GABRA2: variants seen among roughly 807,000 people sequenced by gnomAD.
GABRA2 encodes the protein gamma-aminobutyric acid receptor subunit alpha-2.
Under a neutral mutation model 48.7 loss-of-function variants are expected in GABRA2, and 16 were observed. The observed-to-expected ratio is 0.33, with a 90% CI of 0.22 to 0.50. GABRA2 has a LOEUF of 0.50. Ranked by LOEUF, GABRA2 falls within the 20% of genes least tolerant of loss-of-function variation. The pLI, the probability that GABRA2 is intolerant of heterozygous loss-of-function variation, is 0.98. For missense variants in GABRA2, 275 were observed against 535.6 expected (o/e 0.51, Z 4.80); for synonymous variants, 185 against 184.5 (o/e 1.00, Z -0.02).
chr4:46,273,987 T>C (rs1439128776), intron 8 of GABRA2, among the ~76,000 whole-genome samples: 3 of 152,116 alleles, frequency 2.0e-5, no homozygotes, highest in Non-Finnish European at 2.9e-5. Flanking sequence ...TTTACTCATA[T>C]ATCTTAGCTC....
chr4:46,375,412 G>C (rs545447827), intron 3 of GABRA2, among the ~76,000 whole-genome samples: 23 of 152,068 alleles, frequency 1.5e-4, no homozygotes, highest in Admixed American at 5.2e-4. Flanking sequence ...TCATTTTGCT[G>C]TTCATGTCTA....
rs377762879 is a variant in GABRA2, at chr4:46,287,937, G to C, written c.856+15523C>G. On this transcript the variant is annotated intron_variant, in intron 8 of 9. Transcript: ENST00000381620. The stretch of plus-strand genomic sequence containing the variant: ...TGGTTGTAGAGGCCTCACAATCATG[G>C]TGGAAGGCATGGAGGAGCAAGTCAC... Among the ~76,000 whole-genome samples the C allele has an allele frequency of 2.0e-5, 3 of 152,250 alleles. No individual in the cohort carries two copies. In the East Asian group the frequency reaches 5.8e-4, roughly 29 times the overall value.
chr4:46,305,506 C>T (rs910115776), intron 7 of GABRA2, 62 bp downstream of exon 7: 2 of 1,478,614 alleles, frequency 1.4e-6, no homozygotes, highest in East Asian at 2.3e-5. Context: ...GACACACTTC[C>T]AAGTCCTTTA....
chr4:46,345,283 T>G (rs1427774759), intron 3 of GABRA2, among the ~76,000 whole-genome samples: 1 of 151,896 alleles, frequency 6.6e-6, no homozygotes, highest in East Asian at 1.9e-4. Context: ...GGGTATGTCT[T>G]TATAGCAGTG....
rs761715134 is a variant in GABRA2 at position 46,250,330 on chromosome 4, G to T, written c.1334C>A (p.Pro445His). 5.6e-6 allele frequency: 9 copies of T among 1,610,478 alleles called. No individual in the cohort carries two copies. The highest frequency in any genetic ancestry group is 1.1e-5 in the South Asian group (1 of 90,972). Residue 445 changes from proline to histidine, a missense_variant, in exon 10 of 10, where the codon CCT becomes CAT. By Grantham distance (77) the Pro-to-His change is moderately conservative. Coordinates refer to ENST00000381620, the MANE Select transcript of GABRA2 (RefSeq NM_000807.4). Reference sequence around the variant, plus strand: ...AATTCAAGGACTGACCCCTAATACAGGTTCTCTGTTTAAATATGTAGCCCA... The same window carrying T: ...AATTCAAGGACTGACCCCTAATACATGTTCTCTGTTTAAATATGTAGCCCA... ...VYWATYLNRE[P>H]VLGVSP
intron 3 of GABRA2, among the ~76,000 whole-genome samples, chr4:46,350,910 G>T (rs1578139837): frequency 6.6e-6 from 1 of 151,990 alleles, no homozygotes. Flanking sequence ...CAAAGGTGTG[G>T]TGTAGGAGGT....
chr4:46,379,611 G>T (rs550246100), intron 3 of GABRA2, among the ~76,000 whole-genome samples: 1 of 152,046 alleles, frequency 6.6e-6, no homozygotes, highest in Non-Finnish European at 1.5e-5. Flanking sequence ...CTTCTTATGC[G>T]GAAGGCTTAT....
chr4:46,268,164 T>C lies in GABRA2; in HGVS notation c.857-6036A>G, dbSNP rs193047735. Among the ~76,000 whole-genome samples the C allele has an allele frequency of 3.6e-4, 54 of 151,992 alleles. No homozygotes were observed. The Middle Eastern group carries it at 0.014, about 38-fold the overall frequency. ...GGTAATGATTTTTTAGGTTTGACTG[T>C]GAAAACATAGGCAACAAAAACAAAG... On this transcript the variant is annotated intron_variant, in intron 8 of 9. Transcript: ENST00000381620.
chr4:46,253,716 A>C (rs1460082043), intron 9 of GABRA2, among the ~76,000 whole-genome samples: 1 of 151,480 alleles, frequency 6.6e-6, no homozygotes, highest in Non-Finnish European at 1.5e-5. Flanking sequence ...TACCATTTTT[A>C]GTTAAGAACC....
chr4:46,279,423 A>T (rs1201072781), intron 8 of GABRA2, among the ~76,000 whole-genome samples: 1 of 152,136 alleles, frequency 6.6e-6, no homozygotes, highest in African/African-American at 2.4e-5. Flanking sequence ...ATTGTCTCAC[A>T]CCTATATAAA....
intron 9 of GABRA2, among the ~76,000 whole-genome samples, chr4:46,258,771 CA>C (rs1420095453): frequency 1.3e-5 from 2 of 151,606 alleles, no homozygotes; most frequent in Non-Finnish European, 2.9e-5. Context: ...TGGAGCATAA[CA>C]GTAAAAAAAT....
Position 46,251,023 on chromosome 4 carries a change from A to G in GABRA2, c.1060-419T>C, listed in dbSNP as rs564102661. Among the ~76,000 whole-genome samples, 7 of 151,764 alleles carry G rather than the reference A, an allele frequency of 4.6e-5. No individual in the cohort carries two copies. The South Asian group carries it at 1.2e-3, about 27-fold the overall frequency. On this transcript the variant is annotated intron_variant, in intron 9 of 9. Coordinates refer to ENST00000381620, the MANE Select transcript of GABRA2 (RefSeq NM_000807.4). ...GATCCCACATTTCTAGCTTAGTAAC[A>G]GGATTCCCTCCCACCTCACGTCAAA...
intron 3 of GABRA2, among the ~76,000 whole-genome samples, chr4:46,345,536 T>A (rs1734005203): frequency 6.6e-6 from 1 of 151,830 alleles, no homozygotes; most frequent in Admixed American, 6.6e-5. Context: ...CAGCTTTCTC[T>A]CCCCATAAGT....
At chr4:46,296,275 G>C (rs1010688182) in intron 8 of GABRA2, among the ~76,000 whole-genome samples, 2 of 152,112 alleles carry the variant, frequency 1.3e-5, no homozygotes, top group African/African-American at 4.8e-5. Context: ...TTTGCTTCCT[G>C]TTCCCGTGAC....
chr4:46,320,504 G>T (rs1285631826), intron 4 of GABRA2, among the ~76,000 whole-genome samples: 1 of 151,818 alleles, frequency 6.6e-6, no homozygotes, highest in Non-Finnish European at 1.5e-5. Context: ...GTAGCCTTAT[G>T]GATTGGGAGA....
At chr4:46,285,949 T>G (rs752011144) in intron 8 of GABRA2, among the ~76,000 whole-genome samples, 1 of 152,122 alleles carries the variant, frequency 6.6e-6, no homozygotes, top group African/African-American at 2.4e-5. Context: ...TTTTAAAAAT[T>G]ATTTTACAGA....
intron 3 of GABRA2, among the ~76,000 whole-genome samples, chr4:46,345,062 T>C (rs1733913914): frequency 6.6e-6 from 1 of 151,868 alleles, no homozygotes; most frequent in African/African-American, 2.4e-5. Flanking sequence ...GTTTCCCCTA[T>C]GCTGTTCTCA....
chr4:46,280,935 G>A (rs1299785598), intron 8 of GABRA2, among the ~76,000 whole-genome samples: 3 of 152,146 alleles, frequency 2.0e-5, no homozygotes, highest in Non-Finnish European at 4.4e-5. Flanking sequence ...CCATCTATAA[G>A]CTGGAAAGAC....
At chr4:46,388,936 T>TTCTG (rs1717854698) in intron 1 of GABRA2, 1 of 1,249,478 alleles carries the variant, frequency 8.0e-7, no homozygotes, top group African/African-American at 1.5e-5. Flanking sequence ...CTTTCTTTTT[T>TTCTG]TCTTTCTTTC....
Sources: gnomAD v4.1 joint callset for allele counts (sites outside exome capture counted in the v4.1 genomes callset) on GRCh38, gnomAD v4.1.1 for gene constraint, MANE v1.5 for transcripts, NCBI Gene and HGNC (gene_info 2026-07-23, HGNC 2026-07-21) for gene names.